The following CNOT7 variants were observed in gnomAD, a reference collection of about 807,000 sequenced individuals.
CNOT7 encodes CCR4-NOT transcription complex subunit 7, also known as BTG1-binding factor 1.
A neutral mutation model predicts 37.1 loss-of-function variants in CNOT7; 4 were observed. The ratio of observed to expected loss-of-function variants is 0.11; its 90% confidence interval spans 0.05 to 0.25. The LOEUF (loss-of-function observed/expected upper bound fraction) is 0.25, where lower values mean the gene tolerates loss of function less well. CNOT7 is among the 10% of genes least tolerant of loss of function. CNOT7 has a pLI of 1.00. For missense variants in CNOT7, 170 were observed against 336.2 expected (o/e 0.51, Z 3.87); for synonymous variants, 128 against 115.6 (o/e 1.11, Z -0.69).
At position 17,237,244 on chromosome 8, in the gene CNOT7, G is replaced by C. The variant is rs1213902989; in HGVS notation, c.441C>G (p.Leu147=). 1 of 1,614,112 alleles carries C rather than the reference G, an allele frequency of 6.2e-7. No individual in the cohort carries two copies. The highest frequency in any genetic ancestry group is 2.2e-5 in the East Asian group (1 of 44,852). ...ATGACAACCATTTGACCCCTTCACA[G>C]AGGACCACTCCAGAAGTCATAAGAA... ...AELLMTSGVV[L]CEGVKWLSFH... The change falls in exon 4 of 7, where the codon CTC becomes CTG. Residue 147 remains leucine, a synonymous_variant. Coordinates refer to ENST00000361272, the MANE Select transcript of CNOT7 (RefSeq NM_013354.7).
rs1176892466 is a variant in CNOT7, at chr8:17,234,580, C to G, written c.618+136G>C. 6.6e-6 allele frequency: 6 copies of G among 915,744 alleles called. No individual in the cohort carries two copies. The East Asian group carries it at 7.6e-5, about 12-fold the overall frequency. The allele number at this position is 915,744 out of a possible 1,614,324, so 56.7% of individuals were successfully genotyped here. ...ATTATGTATGCAAGAAAAAAAATCACATGACCAGATAATATAATTGCATTC... is the reference window on the plus strand; with the variant it reads ...ATTATGTATGCAAGAAAAAAAATCAGATGACCAGATAATATAATTGCATTC... On this transcript the variant is annotated intron_variant, in intron 5 of 6. Coordinates refer to ENST00000361272, the MANE Select transcript of CNOT7 (RefSeq NM_013354.7).
chr8:17,239,318 GA>G (rs1809817182), intron 3 of CNOT7, among the ~76,000 whole-genome samples: 1 of 151,730 alleles, frequency 6.6e-6, no homozygotes, highest in Non-Finnish European at 1.5e-5. Context: ...CTGGCCTCCC[GA>G]AGTGCTGGGA....
At chr8:17,242,764 C>CA in intron 3 of CNOT7, 3 of 347,360 alleles carry the variant, frequency 8.6e-6, no homozygotes, top group East Asian at 4.8e-5. Context: ...CTTCCAAATA[C>CA]AAAAAAAGCT....
At chr8:17,232,353 A>G in intron 6 of CNOT7, 74 bp downstream of exon 6, 1 of 1,609,796 alleles carries the variant, frequency 6.2e-7, no homozygotes, top group Non-Finnish European at 8.5e-7. Flanking sequence ...TGTTGCCCAA[A>G]ATCTTTGGCC....
rs1808316842 is a variant in CNOT7 at position 17,228,651 on chromosome 8, A to ATTT, written c.*2068_*2069insAAA. 1 of 151,938 alleles carries ATTT rather than the reference A, an allele frequency of 6.6e-6. No homozygotes were observed. The highest frequency in any genetic ancestry group is 1.5e-5 in the Non-Finnish European group (1 of 67,846). The allele number at this position is 151,938 out of a possible 1,614,324, so 9.4% of individuals were successfully genotyped here. On this transcript the variant is annotated 3_prime_UTR_variant, in exon 7 of 7. Coordinates refer to ENST00000361272, the MANE Select transcript of CNOT7 (RefSeq NM_013354.7). ...TCAATACACCCACTGTAAAGTTGAA[A>ATTT]AATCATTAAGTCGAAAGTAAGTTAG...
In CNOT7 at chr8:17,227,441, AC is replaced by A. The variant is rs1312283318; in HGVS notation, c.*3278del. 1 of 151,800 alleles carries A rather than the reference AC, an allele frequency of 6.6e-6. No homozygotes were observed. The highest frequency in any genetic ancestry group is 1.5e-5 in the Non-Finnish European group (1 of 67,780). 9.4% of individuals were successfully genotyped at this position (151,800 alleles called of 1,614,324 possible). A position where few individuals can be genotyped will look rare whatever the true frequency, so the allele number is the denominator to read the frequency against. ...TGTGTCCAAAATCCTCATTCTTCAA[AC>A]TACTGTTCTCATCAAAGGGCTGATG... On this transcript the variant is annotated 3_prime_UTR_variant, in exon 7 of 7. Coordinates refer to ENST00000361272, the MANE Select transcript of CNOT7 (RefSeq NM_013354.7).
chr8:17,243,717 C>T, intron 2 of CNOT7: 1 of 452,336 alleles, frequency 2.2e-6, no homozygotes, highest in South Asian at 1.6e-5. Context: ...TTGCATGCCA[C>T]CTACTCACTC....
intron 4 of CNOT7, among the ~76,000 whole-genome samples, chr8:17,236,021 C>T (rs1003786354): frequency 6.6e-6 from 1 of 151,956 alleles, no homozygotes; most frequent in Non-Finnish European, 1.5e-5. Flanking sequence ...ACCTTCATAT[C>T]TAGGGAAGAA....
At chr8:17,240,293 C>T (rs959670801) in intron 3 of CNOT7, among the ~76,000 whole-genome samples, 12 of 152,258 alleles carry the variant, frequency 7.9e-5, no homozygotes, top group African/African-American at 2.6e-4. Context: ...ACATGTGGCC[C>T]GGCATGGCTG....
chr8:17,231,621 G>A (rs1364983333), intron 6 of CNOT7: 1 of 985,304 alleles, frequency 1.0e-6, no homozygotes, highest in East Asian at 1.1e-4. Context: ...CAAATCCACA[G>A]CGAATTTTTC....
At chr8:17,237,102 G>C (rs1809473120) in intron 4 of CNOT7, 110 bp downstream of exon 4, 2 of 1,056,242 alleles carry the variant, frequency 1.9e-6, no homozygotes, top group Admixed American at 4.0e-5. Flanking sequence ...CTATATGGCA[G>C]TCAACTCTTT....
chr8:17,231,598 G>A (rs958036241), intron 6 of CNOT7: 6 of 985,046 alleles, frequency 6.1e-6, no homozygotes, highest in African/African-American at 1.7e-5. Flanking sequence ...TAATGTCTAA[G>A]AGAAAATATA....
intron 2 of CNOT7, among the ~76,000 whole-genome samples, chr8:17,243,864 CA>C (rs1810523546): frequency 6.6e-6 from 1 of 152,158 alleles, no homozygotes; most frequent in Non-Finnish European, 1.5e-5. Flanking sequence ...AATAGTATGT[CA>C]TCTACAAAGA....
chr8:17,235,091 C>T (rs948464858), intron 4 of CNOT7, among the ~76,000 whole-genome samples: 8 of 151,530 alleles, frequency 5.3e-5, no homozygotes, highest in African/African-American at 1.9e-4. Context: ...GATATCAACA[C>T]AGACCTACAC....
rs758936188 is a variant in CNOT7, at chr8:17,234,627, G to C, written c.618+89C>G. ...ATTCACTGTAATACTTTAAAATATG[G>C]TTTAAAACAACATCCCAGCCTAGGC... On this transcript the variant is annotated intron_variant, in intron 5 of 6. Coordinates refer to ENST00000361272, the MANE Select transcript of CNOT7 (RefSeq NM_013354.7). The C allele has an allele frequency of 7.3e-6, 10 of 1,369,924 alleles. No individual in the cohort carries two copies. The South Asian group carries it at 1.2e-4, about 16-fold the overall frequency. 84.9% of individuals were successfully genotyped at this position (1,369,924 alleles called of 1,614,324 possible).
chr8:17,233,004 G>A (rs2904698), intron 5 of CNOT7, among the ~76,000 whole-genome samples: 109,378 of 152,126 alleles, frequency 0.72, 41,571 homozygotes, highest in Non-Finnish European at 0.87. Flanking sequence ...ATCATTAAGA[G>A]TATGCTAAAT....
chr8:17,246,838 T>C lies in CNOT7; in HGVS notation c.-259A>G. On this transcript the variant is annotated 5_prime_UTR_variant, in exon 1 of 7. Transcript: ENST00000361272. ...GAGCAGGAGCTGCGCCGCACCGTGC[T>C]GCGCCGTCGCTTTTCGCACGTCCTG... The C allele has an allele frequency of 3.4e-6, 1 of 297,354 alleles. No homozygotes were observed. Among genetic ancestry groups the C allele is most frequent in the South Asian group, 2.8e-5 (1 of 36,232 alleles). The allele number at this position is 297,354 out of a possible 1,614,324, so 18.4% of individuals were successfully genotyped here. A position where few individuals can be genotyped will look rare whatever the true frequency, so the allele number is the denominator to read the frequency against.
rs148662022 is a variant in CNOT7 at position 17,231,064 on chromosome 8, A to G, written c.730-216T>C. ...GAAACCAAAGAAAGAGACTACAAAA[A>G]AAGTGTATAAATGCATGTCTTTTCC... On this transcript the variant is annotated intron_variant, in intron 6 of 6. Coordinates refer to ENST00000361272, the MANE Select transcript of CNOT7 (RefSeq NM_013354.7). Among the ~76,000 whole-genome samples, 982 of 152,240 alleles carry G rather than the reference A, an allele frequency of 6.5e-3. 6 individuals are homozygous for G. The highest frequency in any genetic ancestry group is 8.7e-3 in the Non-Finnish European group (588 of 67,958).
chr8:17,240,705 A>C lies in CNOT7; in HGVS notation c.311+2287T>G, dbSNP rs547625741. On this transcript the variant is annotated intron_variant, in intron 3 of 6. Coordinates refer to ENST00000361272, the MANE Select transcript of CNOT7 (RefSeq NM_013354.7). ...AATGTTCTAATTCACTTGAACAAAA[A>C]GTTAACATGGAACAAATGAAATGGT... Among the ~76,000 whole-genome samples, 15 of 152,360 alleles carry C rather than the reference A, an allele frequency of 9.8e-5. No homozygotes were observed. The South Asian group carries it at 2.9e-3, about 29-fold the overall frequency.
Sources: allele counts gnomAD v4.1 joint callset (sites outside exome capture counted in the v4.1 genomes callset), GRCh38; gene constraint gnomAD v4.1.1; transcripts MANE v1.5; gene names NCBI Gene and HGNC (gene_info 2026-07-23, HGNC 2026-07-21).